The following GLDN variants were observed in gnomAD, a reference collection of about 807,000 sequenced individuals.
GLDN encodes the protein gliomedin.
A neutral mutation model predicts 56.5 loss-of-function variants in GLDN; 47 were observed. The observed-to-expected ratio is 0.83, with a 90% CI of 0.66 to 1.06. The LOEUF is 1.06. GLDN is among the 50% of genes least tolerant of loss of function. The probability of loss-of-function intolerance (pLI) is 0.00; values close to 1 mark genes in which losing one functional copy is unlikely to be tolerated. For missense variants in GLDN, 782 were observed against 714.3 expected, an observed-to-expected ratio of 1.09 and a Z score of -1.08; for synonymous variants, 332 against 278.8, an observed-to-expected ratio of 1.19 and a Z score of -1.90.
chr15:51,395,443 C>T (rs2038106193), intron 5 of GLDN, among the ~76,000 whole-genome samples: 1 of 152,086 alleles, frequency 6.6e-6, no homozygotes, highest in Non-Finnish European at 1.5e-5. Context: ...CCTGGTCGAC[C>T]TCAGTAGGGA....
chr15:51,376,605 T>A (rs934034302), intron 1 of GLDN, among the ~76,000 whole-genome samples: 1 of 152,272 alleles, frequency 6.6e-6, no homozygotes, highest in Non-Finnish European at 1.5e-5. Context: ...AAAATTTTAA[T>A]GTCTTTTACT....
chr15:51,368,858 C>T (rs1326188959), intron 1 of GLDN, among the ~76,000 whole-genome samples: 1 of 152,126 alleles, frequency 6.6e-6, no homozygotes, highest in Non-Finnish European at 1.5e-5. Context: ...AGATGAAAAG[C>T]TTACTGAGTG....
rs1446870497 is a variant in GLDN, at chr15:51,383,320, G to A, written c.416-116G>A. The A allele has an allele frequency of 2.8e-6, 3 of 1,062,840 alleles. No individual in the cohort carries two copies. In the South Asian group the frequency reaches 4.3e-5, roughly 15 times the overall value. The allele number at this position is 1,062,840 out of a possible 1,614,324, so 65.8% of individuals were successfully genotyped here. A position where few individuals can be genotyped will look rare whatever the true frequency, so the allele number is the denominator to read the frequency against. On this transcript the variant is annotated intron_variant, in intron 2 of 9. Coordinates refer to ENST00000335449, the MANE Select transcript of GLDN (RefSeq NM_181789.4). ...CAAATATAACGAGTTCTAAATACAA[G>A]GTGTCAAATCCATTGCTTAGGGTCA...
chr15:51,383,742 T>C lies in GLDN; in HGVS notation c.434-43T>C, dbSNP rs780157891. 23 of 1,421,180 alleles carry C rather than the reference T, an allele frequency of 1.6e-5. No individual in the cohort carries two copies. The African/African-American group carries it at 3.0e-4, about 19-fold the overall frequency. The allele number at this position is 1,421,180 out of a possible 1,614,324, so 88.0% of individuals were successfully genotyped here. A position where few individuals can be genotyped will look rare whatever the true frequency, so the allele number is the denominator to read the frequency against. Reference sequence around the variant, plus strand: ...CAGTAACTTCAGTGAATAATTTTTTTTTTTTTTTTGGTTAATGTCCCTGTT... The same window carrying C: ...CAGTAACTTCAGTGAATAATTTTTTCTTTTTTTTTGGTTAATGTCCCTGTT... On this transcript the variant is annotated intron_variant, in intron 3 of 9. Transcript: ENST00000335449.
At chr15:51,349,796 G>A (rs933493174) in intron 1 of GLDN, among the ~76,000 whole-genome samples, 9 of 151,200 alleles carry the variant, frequency 6.0e-5, no homozygotes, top group Non-Finnish European at 1.3e-4. Context: ...CTGGAGTGCA[G>A]TGCTGTGATT....
At chr15:51,342,897 A>C (rs2036911967) in intron 1 of GLDN, among the ~76,000 whole-genome samples, 1 of 152,234 alleles carries the variant, frequency 6.6e-6, no homozygotes, top group Non-Finnish European at 1.5e-5. Context: ...TTTAAGAAAC[A>C]CTGCTCTGAA....
intron 1 of GLDN, among the ~76,000 whole-genome samples, chr15:51,345,351 A>G (rs1469142546): frequency 6.6e-6 from 1 of 152,232 alleles, no homozygotes; most frequent in Non-Finnish European, 1.5e-5. Flanking sequence ...CGTATCCATG[A>G]TAATTGTTGT....
chr15:51,360,852 G>C (rs973813101), intron 1 of GLDN, among the ~76,000 whole-genome samples: 3 of 152,178 alleles, frequency 2.0e-5, no homozygotes, highest in African/African-American at 7.2e-5. Flanking sequence ...GGAGGGAGGA[G>C]AGGGCTGAGC....
downstream of GLDN, among the ~76,000 whole-genome samples, chr15:51,412,070 C>T (rs1455425375): frequency 6.6e-6 from 1 of 152,220 alleles, no homozygotes; most frequent in Non-Finnish European, 1.5e-5. Context: ...GACCATGTGC[C>T]AGGCACCATG....
chr15:51,353,503 C>G (rs1263590020), intron 1 of GLDN, among the ~76,000 whole-genome samples: 1 of 152,162 alleles, frequency 6.6e-6, no homozygotes, highest in African/African-American at 2.4e-5. Context: ...CACTCTCCGA[C>G]TGGCTCAGCT....
In GLDN at chr15:51,407,871, C is replaced by T. The variant is rs1431286371; in HGVS notation, c.*3117C>T. ...TTGCGTTTTCATCCAGATGCTGTGG[C>T]CCTGTGTTTCACAGCATTAAGAGCC... is the stretch of plus-strand genomic sequence containing the variant. On this transcript the variant is annotated 3_prime_UTR_variant, in exon 10 of 10. Coordinates refer to ENST00000335449, the MANE Select transcript of GLDN (RefSeq NM_181789.4). The T allele has an allele frequency of 6.6e-6, 1 of 152,166 alleles. No homozygotes were observed. The highest frequency in any genetic ancestry group is 1.5e-5 in the Non-Finnish European group (1 of 68,040). The allele number at this position is 152,166 out of a possible 1,614,324, so 9.4% of individuals were successfully genotyped here.
downstream of GLDN, among the ~76,000 whole-genome samples, chr15:51,409,661 A>G (rs1474101774): frequency 6.6e-6 from 1 of 152,204 alleles, no homozygotes; most frequent in Non-Finnish European, 1.5e-5. Context: ...GCAGGATGAG[A>G]AAAGGTCAAC....
chr15:51,355,214 T>C (rs1235686635), intron 1 of GLDN, among the ~76,000 whole-genome samples: 1 of 152,180 alleles, frequency 6.6e-6, no homozygotes, highest in East Asian at 1.9e-4. Context: ...AGGCTGCTGG[T>C]TGGCTATTTT....
In GLDN at chr15:51,401,691, G is replaced by T; in HGVS notation, c.1126G>T (p.Val376Phe). 6.2e-7 allele frequency: 1 copy of T among 1,614,174 alleles called. No homozygotes were observed. The highest frequency in any genetic ancestry group is 1.1e-5 in the South Asian group (1 of 91,084). The change falls in exon 9 of 10, where the codon GTT becomes TTT. Residue 376 changes from valine to phenylalanine, a missense_variant. Val to Phe is a conservative substitution (Grantham distance 50). Coordinates refer to ENST00000335449, the MANE Select transcript of GLDN (RefSeq NM_181789.4). ...CTATTTCCATGGCTGTGGGCACGTT[G>T]TTTACAACAACTCTCTCTACTACCA... is the stretch of plus-strand genomic sequence containing the variant. Reference protein sequence around the residue: ...PYYFHGCGHVVYNNSLYYHKG... With the variant: ...PYYFHGCGHVFYNNSLYYHKG...
chr15:51,358,683 T>C (rs756284570), intron 1 of GLDN, among the ~76,000 whole-genome samples: 9 of 152,314 alleles, frequency 5.9e-5, no homozygotes, highest in Non-Finnish European at 1.0e-4. Flanking sequence ...GGCACTTCTA[T>C]GTTCTCCTTT....
intron 4 of GLDN, among the ~76,000 whole-genome samples, chr15:51,387,253 C>T (rs1009803901): frequency 2.6e-5 from 4 of 152,232 alleles, no homozygotes; most frequent in South Asian, 2.1e-4. Flanking sequence ...CAGCAGATGT[C>T]GAGTGCTATT....
chr15:51,381,382 T>C lies in GLDN; in HGVS notation c.416-2054T>C, dbSNP rs78723362. 1.8e-3 allele frequency among the ~76,000 whole-genome samples: 273 copies of C among 152,282 alleles called. 7 individuals carry two copies. In the East Asian group the frequency reaches 0.045, roughly 25 times the overall value. ...TTGATTTCCTCTGACCTCTGTTAAC[T>C]GGCCACCTCACCCCCTTCCCAGTAC... is the stretch of plus-strand genomic sequence containing the variant. On this transcript the variant is annotated intron_variant, in intron 2 of 9. Transcript: ENST00000335449.
At position 51,377,394 on chromosome 15, in the gene GLDN, T is replaced by C. The variant is rs529049624; in HGVS notation, c.364-55T>C. 17 of 1,410,172 alleles carry C rather than the reference T, an allele frequency of 1.2e-5. No homozygotes were observed. In the South Asian group the frequency reaches 1.9e-4, roughly 16 times the overall value. 87.4% of individuals were successfully genotyped at this position (1,410,172 alleles called of 1,614,324 possible). On this transcript the variant is annotated intron_variant, in intron 1 of 9. Transcript: ENST00000335449. ...GCTTTCTGCTCGTCTGAATAAAGGA[T>C]GAGCCCAGGGCCTGCTGCCCACTGT...
chr15:51,412,659 G>A (rs551866990), downstream of GLDN, among the ~76,000 whole-genome samples: 135 of 152,090 alleles, frequency 8.9e-4, 4 homozygotes, highest in South Asian at 0.028. Flanking sequence ...GGGTTTTTTT[G>A]TAGGCAGCAT....
Sources: allele counts gnomAD v4.1 joint callset (sites outside exome capture counted in the v4.1 genomes callset), GRCh38; gene constraint gnomAD v4.1.1; transcripts MANE v1.5; gene names NCBI Gene and HGNC (gene_info 2026-07-23, HGNC 2026-07-21).